The following DST variants were observed in gnomAD, a reference collection of about 807,000 sequenced individuals.
DST encodes the protein bullous pemphigoid antigen.
A neutral mutation model predicts 875.2 loss-of-function variants in DST; 253 were observed. The observed-to-expected ratio is 0.29, with a 90% CI of 0.26 to 0.32. DST has a LOEUF of 0.32. Among genes scored for constraint, DST ranks in the 10% least tolerant of loss-of-function variants. The probability of loss-of-function intolerance (pLI) is 1.00; values close to 1 mark genes in which losing one functional copy is unlikely to be tolerated. For synonymous variants in DST, 3,124 were observed against 3,197.1 expected, an observed-to-expected ratio of 0.98 and a Z score of 0.77; for missense variants, 8,287 against 9,111.6, an observed-to-expected ratio of 0.91 and a Z score of 3.68.
chr6:56,604,781 C>A lies in DST; in HGVS notation c.9847G>T (p.Val3283Phe). 1.9e-6 allele frequency: 3 copies of A among 1,612,860 alleles called. No homozygotes were observed. Among genetic ancestry groups the A allele is most frequent in the Non-Finnish European group, 2.5e-6 (3 of 1,179,236 alleles). Residue 3283 changes from valine (V) to phenylalanine (F), a missense_variant, in exon 40 of 104, where the codon GTT becomes TTT. By Grantham distance (50) the Val-to-Phe change is conservative. This residue lies in a region of DST where 3,138 missense variants were observed against 3,116.6 expected (regional missense o/e 1.01). Transcript: ENST00000680361. The stretch of plus-strand genomic sequence containing the variant: ...GACTGCAGAAAATCATTTTTCCCAA[C>A]ATCTTCTACATGTTTACGAGATAAT... ...SILSRKHVED[V>F]GKNDFLQSER...
In DST at chr6:56,513,183, G is replaced by A. The variant is rs377406584; in HGVS notation, c.18577-1783C>T. Among the ~76,000 whole-genome samples, 131 of 151,186 alleles carry A rather than the reference G, an allele frequency of 8.7e-4. 2 individuals carry two copies. The highest frequency in any genetic ancestry group is 3.0e-3 in the African/African-American group (125 of 41,204). ...CTTTGGGTCTAGGTAGATCTCACCTGTATAGCATCACTATAAGGCAACTTG... is the reference window on the plus strand; with the variant it reads ...CTTTGGGTCTAGGTAGATCTCACCTATATAGCATCACTATAAGGCAACTTG... On this transcript the variant is annotated intron_variant, in intron 72 of 103. Transcript: ENST00000680361.
intron 64 of DST, among the ~76,000 whole-genome samples, 195 bp from the exon 65 acceptor site, chr6:56,530,328 G>A (rs2096873546): frequency 6.6e-6 from 1 of 152,180 alleles, no homozygotes; most frequent in African/African-American, 2.4e-5. Flanking sequence ...TTGAACAACA[G>A]ATCATCCTCA....
At chr6:56,512,341 C>T (rs1252378888) in intron 72 of DST, among the ~76,000 whole-genome samples, 1 of 152,202 alleles carries the variant, frequency 6.6e-6, no homozygotes, top group Non-Finnish European at 1.5e-5. Context: ...AATACATACA[C>T]CTCATGGATC....
rs756662841 is a variant in DST, at chr6:56,604,984, T to C, written c.9644A>G (p.Lys3215Arg). 1.2e-6 allele frequency: 2 copies of C among 1,612,830 alleles called. No individual in the cohort carries two copies. Among genetic ancestry groups the C allele is most frequent in the Non-Finnish European group, 8.5e-7 (1 of 1,179,214 alleles). The change falls in exon 40 of 104, where the codon AAA (lysine) becomes AGA (arginine). Residue 3215 changes from lysine to arginine, a missense_variant. By Grantham distance (26) the Lys-to-Arg change is conservative. Transcript: ENST00000680361. Reference sequence around the variant, plus strand: ...ATTAACTCCTAATTGTAAATGTTCTTTCATGGGAGGGGCAGTTATTAAAAC... The same window carrying C: ...ATTAACTCCTAATTGTAAATGTTCTCTCATGGGAGGGGCAGTTATTAAAAC... ...SHVLITAPPM[K>R]EHLQLGVNNT...
At chr6:56,867,904 C>T (rs1775036648) in intron 3 of DST, among the ~76,000 whole-genome samples, 1 of 152,078 alleles carries the variant, frequency 6.6e-6, no homozygotes, top group African/African-American at 2.4e-5. Context: ...CCTGAAACGT[C>T]TGCATCTCAG....
intron 2 of DST, among the ~76,000 whole-genome samples, chr6:56,910,847 G>C (rs1296826341): frequency 1.3e-5 from 2 of 152,140 alleles, no homozygotes; most frequent in Admixed American, 1.3e-4. Flanking sequence ...CATATTGACT[G>C]ATATTATATC....
At chr6:56,935,349 G>A (rs761720874) in intron 2 of DST, among the ~76,000 whole-genome samples, 6 of 152,246 alleles carry the variant, frequency 3.9e-5, no homozygotes, top group Non-Finnish European at 8.8e-5. Context: ...TGAAATGCTC[G>A]CAACTGCCTG....
intron 49 of DST, among the ~76,000 whole-genome samples, chr6:56,580,247 A>G (rs1347557078): frequency 1.3e-5 from 2 of 152,132 alleles, no homozygotes; most frequent in Non-Finnish European, 2.9e-5. Flanking sequence ...ACAGAGCAAA[A>G]TATAAGTAAA....
chr6:56,498,762 A>G (rs1336019642), intron 80 of DST, among the ~76,000 whole-genome samples: 1 of 152,154 alleles, frequency 6.6e-6, no homozygotes, highest in Non-Finnish European at 1.5e-5. Context: ...ATCTTCTCTC[A>G]TACGAGGGGT....
At chr6:56,469,758 T>A in intron 97 of DST, 125 bp downstream of exon 97, 1 of 793,498 alleles carries the variant, frequency 1.3e-6, no homozygotes, top group Non-Finnish European at 2.1e-6. Flanking sequence ...TCATATACCA[T>A]TAAATTTTGA....
At chr6:56,515,770 T>C in intron 71 of DST, 102 bp from the exon 72 acceptor site, 3 of 781,170 alleles carry the variant, frequency 3.8e-6, no homozygotes, top group Non-Finnish European at 6.0e-6. Flanking sequence ...AGTGGGCGTT[T>C]GACAAATATA....
chr6:56,615,000 T>G (rs2098598594), intron 36 of DST: 3 of 994,992 alleles, frequency 3.0e-6, no homozygotes, highest in Non-Finnish European at 3.6e-6. Flanking sequence ...GTAAACATTT[T>G]AATATGCAAA....
Position 56,632,923 on chromosome 6 carries a change from T to C in DST, c.3736A>G (p.Thr1246Ala). The C allele has an allele frequency of 1.2e-6, 2 of 1,613,952 alleles. No individual in the cohort carries two copies. Among genetic ancestry groups the C allele is most frequent in the Non-Finnish European group, 1.7e-6 (2 of 1,179,930 alleles). Residue 1246 changes from threonine to alanine, a missense_variant, in exon 28 of 104, where the codon ACA (threonine) becomes GCA (alanine). By Grantham distance (58) the Thr-to-Ala change is moderately conservative. Transcript: ENST00000680361. ...ACATTAACCTCCTTTTCCAGTTGTG[T>C]TATATCTGAGCCTGAAAAGACTTGG... ...ESQVFSGSDI[T>A]QLEKEVNVCK...
Position 56,604,741 on chromosome 6 carries a change from T to A in DST, c.9887A>T (p.Asn3296Ile). The A allele has an allele frequency of 6.2e-7, 1 of 1,612,694 alleles. No homozygotes were observed. The highest frequency in any genetic ancestry group is 8.5e-7 in the Non-Finnish European group (1 of 1,179,150). ...ACTGGAGTTATCATTTCCTAATCCA[T>A]TTGCACACCGCTCCGACTGCAGAAA... is the stretch of plus-strand genomic sequence containing the variant. Reference protein sequence around the residue: ...NDFLQSERCANGLGNDNSSNT... With the variant: ...NDFLQSERCAIGLGNDNSSNT... The change falls in exon 40 of 104, where the codon AAT becomes ATT. Residue 3296 changes from asparagine (N) to isoleucine (I), a missense_variant. Physicochemically the swap from Asn to Ile is moderately radical, Grantham distance 149 (BLOSUM62 -3). Coordinates refer to ENST00000680361, the MANE Select transcript of DST (RefSeq NM_001374736.1).
intron 10 of DST, among the ~76,000 whole-genome samples, chr6:56,660,826 A>G (rs2099036551): frequency 6.6e-6 from 1 of 152,010 alleles, no homozygotes; most frequent in East Asian, 1.9e-4. Context: ...GATGAGAAAC[A>G]GTATATTTTT....
chr6:56,916,778 T>TCTCTCTCACACACACA (rs1470233953), intron 2 of DST, among the ~76,000 whole-genome samples: 15 of 91,342 alleles, frequency 1.6e-4, no homozygotes, highest in African/African-American at 7.2e-4. Context: ...TCTCTCTCTC[T>TCTCTCTCACACACACA]CACACACACA....
chr6:56,946,445 A>G (rs1819522350), intron 2 of DST, among the ~76,000 whole-genome samples: 1 of 152,356 alleles, frequency 6.6e-6, no homozygotes, highest in African/African-American at 2.4e-5. Flanking sequence ...AGTTGGTGAC[A>G]TAGGGAGGTT....
rs116262014 is a variant in DST at position 56,489,273 on chromosome 6, A to G, written c.20877+217T>C. On this transcript the variant is annotated intron_variant, in intron 86 of 103. Coordinates refer to ENST00000680361, the MANE Select transcript of DST (RefSeq NM_001374736.1). ...TTTATTTTGTATGTTTTTCTTTTTA[A>G]CAATTAACCTGGGAATCATTAGTGA... 1.5e-3 allele frequency among the ~76,000 whole-genome samples: 221 copies of G among 152,312 alleles called. 1 individual carries two copies. Among genetic ancestry groups the G allele is most frequent in the African/African-American group, 5.1e-3 (210 of 41,570 alleles).
chr6:56,504,250 G>A (rs933956814), intron 77 of DST, among the ~76,000 whole-genome samples, 152 bp from the exon 78 acceptor site: 1 of 152,044 alleles, frequency 6.6e-6, no homozygotes, highest in Non-Finnish European at 1.5e-5. Context: ...ACCTAAATTA[G>A]TAAAAGCAGT....
Sources: allele counts gnomAD v4.1 joint callset (sites outside exome capture counted in the v4.1 genomes callset), GRCh38; gene constraint gnomAD v4.1.1; regional missense constraint gnomAD v4.1.1; transcripts MANE v1.5; gene names NCBI Gene and HGNC (gene_info 2026-07-23, HGNC 2026-07-21).